SLC25A6: variants seen among roughly 807,000 people sequenced by gnomAD.
SLC25A6 encodes ADP/ATP translocase 3.
In SLC25A6, 9 loss-of-function variants were observed where a neutral mutation model predicts 25.7. The ratio of observed to expected loss-of-function variants is 0.35; its 90% CI spans 0.21 to 0.61. The LOEUF (loss-of-function observed/expected upper bound fraction) is 0.61. Ranked by LOEUF, SLC25A6 falls within the 20% of genes least tolerant of loss-of-function variation. SLC25A6 has a pLI of 0.76. For synonymous variants in SLC25A6, 223 were observed against 197.0 expected, an observed-to-expected ratio of 1.13 and a Z score of -1.11; for missense variants, 404 against 440.5, an observed-to-expected ratio of 0.92 and a Z score of 0.74.
chrX:1,386,839 T>A, intron 3 of SLC25A6, 80 bp from the exon 4 acceptor site: 2 of 1,490,776 alleles, frequency 1.3e-6, no homozygotes, highest in Non-Finnish European at 9.1e-7. Flanking sequence ...ACAAAGACGT[T>A]TCACAGAAAT....
Position 1,388,065 on chromosome X carries a change from C to G in SLC25A6, c.599-646G>C, listed in dbSNP as rs368804789. On this transcript the variant is annotated intron_variant, in intron 2 of 3. Transcript: ENST00000381401. ...GTCTGCTGTTTATAAGCCACCCAGT[C>G]TATAGTATTGTTTTAGGAGCCTGAA... Among the ~76,000 whole-genome samples the G allele has an allele frequency of 8.0e-5, 12 of 149,674 alleles. No individual in the cohort carries two copies. The East Asian group carries it at 1.2e-3, about 15-fold the overall frequency.
At chrX:1,388,528 C>G (rs1294157346) in intron 2 of SLC25A6, among the ~76,000 whole-genome samples, 2 of 151,360 alleles carry the variant, frequency 1.3e-5, no homozygotes, top group African/African-American at 4.9e-5. Context: ...CTAAGTCACC[C>G]AGTCTATGGT....
rs773673685 is a variant in SLC25A6 at position 1,386,573 on chromosome X, G to C, written c.*29C>G. 14 of 1,512,068 alleles carry C rather than the reference G, an allele frequency of 9.3e-6. No individual in the cohort carries two copies. The highest frequency in any genetic ancestry group is 1.2e-5 in the Non-Finnish European group (14 of 1,130,636). 93.7% of individuals were successfully genotyped at this position (1,512,068 alleles called of 1,614,324 possible). On this transcript the variant is annotated 3_prime_UTR_variant, in exon 4 of 4. Transcript: ENST00000381401. ...GTGGTTCTCTTGGTTCCCCTGGTGT[G>C]TGTGTGTGTGTGGAGGAGGCCGCGG...
chrX:1,390,032 GA>G lies in SLC25A6; in HGVS notation c.112-306del, dbSNP rs1213641590. On this transcript the variant is annotated intron_variant, in intron 1 of 3. Transcript: ENST00000381401. ...ACCCGGCTCTTTCTTTTTTTAAAAAGACAAGGTCTCATGCTGTTACCCGGGT... is the reference window on the plus strand; with the variant it reads ...ACCCGGCTCTTTCTTTTTTTAAAAAGCAAGGTCTCATGCTGTTACCCGGGT... Among the ~76,000 whole-genome samples the G allele has an allele frequency of 1.3e-3, 204 of 152,012 alleles. 1 individual carries two copies. Among genetic ancestry groups the G allele is most frequent in the African/African-American group, 4.5e-3 (186 of 41,460 alleles).
rs2089367461 is a variant in SLC25A6, at chrX:1,389,162, C to G, written c.598+79G>C. 6.0e-6 allele frequency: 9 copies of G among 1,507,432 alleles called. 1 individual carries two copies. In the South Asian group the frequency reaches 1.1e-4, roughly 19 times the overall value. The allele number at this position is 1,507,432 out of a possible 1,614,324, so 93.4% of individuals were successfully genotyped here. On this transcript the variant is annotated intron_variant, in intron 2 of 3. Coordinates refer to ENST00000381401, the MANE Select transcript of SLC25A6 (RefSeq NM_001636.4). Reference sequence around the variant, plus strand: ...AGCCCTGCCCACACCTTATCTCAGACCTTCAGCCCACAGGACCCTGGGGGA... The same window carrying G: ...AGCCCTGCCCACACCTTATCTCAGAGCTTCAGCCCACAGGACCCTGGGGGA...
In SLC25A6 at chrX:1,386,295, A is replaced by G; in HGVS notation, c.*307T>C. 1 of 364,222 alleles carries G rather than the reference A, an allele frequency of 2.7e-6. No individual in the cohort carries two copies. Among genetic ancestry groups the G allele is most frequent in the Non-Finnish European group, 4.9e-6 (1 of 204,598 alleles). The allele number at this position is 364,222 out of a possible 1,614,324, so 22.6% of individuals were successfully genotyped here. On this transcript the variant is annotated 3_prime_UTR_variant, in exon 4 of 4. Transcript: ENST00000381401. Reference sequence around the variant, plus strand: ...TCTTTTGTTTTAAATAAATACTTAGAACACGACTTGGCTCCTACAAGCATC... The same window carrying G: ...TCTTTTGTTTTAAATAAATACTTAGGACACGACTTGGCTCCTACAAGCATC...
intron 1 of SLC25A6, among the ~76,000 whole-genome samples, chrX:1,391,073 T>C (rs1236324270): frequency 6.6e-6 from 1 of 152,230 alleles, no homozygotes; most frequent in Non-Finnish European, 1.5e-5. Flanking sequence ...CTCAAACTCC[T>C]GAGCTCACGC....
At chrX:1,387,759 G>GT (rs1374094324) in intron 2 of SLC25A6, among the ~76,000 whole-genome samples, 1 of 152,124 alleles carries the variant, frequency 6.6e-6, no homozygotes. Context: ...TCCACATGCT[G>GT]AAGTCCCACC....
chrX:1,389,411 G>A lies in SLC25A6; in HGVS notation c.428C>T (p.Ala143Val), dbSNP rs756410929. ...CTCTGTGCCTGACTTTCCCACGTCC[G>A]CTGCCAGGCGGGTTCTGGCGAAATC... is the stretch of plus-strand genomic sequence containing the variant. ...PLDFARTRLA[A>V]DVGKSGTERE... Residue 143 changes from alanine (A) to valine (V), a missense_variant, in exon 2 of 4, where the codon GCG becomes GTG. Transcript: ENST00000381401. The A allele has an allele frequency of 6.2e-6, 10 of 1,613,754 alleles. No homozygotes were observed. Among genetic ancestry groups the A allele is most frequent in the East Asian group, 2.2e-5 (1 of 44,884 alleles).
chrX:1,389,199 T>C, intron 2 of SLC25A6, 42 bp downstream of exon 2: 1 of 1,592,640 alleles, frequency 6.3e-7, no homozygotes, highest in Non-Finnish European at 8.6e-7. Flanking sequence ...CGTCTGTGTG[T>C]TGAGCCCGTC....
At chrX:1,391,762 G>T (rs1405202468) in intron 1 of SLC25A6, 137 bp downstream of exon 1, 4 of 630,298 alleles carry the variant, frequency 6.3e-6, no homozygotes, top group Non-Finnish European at 1.1e-5. Context: ...CCGGAAGCCG[G>T]CGGCGCGTGG....
In SLC25A6 at chrX:1,392,088, G is replaced by A. The variant is rs2089422754; in HGVS notation, c.-79C>T. 2.3e-5 allele frequency: 24 copies of A among 1,057,586 alleles called. No individual in the cohort carries two copies. The highest frequency in any genetic ancestry group is 4.1e-5 in the Admixed American group (2 of 49,082). 65.5% of individuals were successfully genotyped at this position (1,057,586 alleles called of 1,614,324 possible). A position where few individuals can be genotyped will look rare whatever the true frequency, so the allele number is the denominator to read the frequency against. On this transcript the variant is annotated 5_prime_UTR_variant, in exon 1 of 4. Transcript: ENST00000381401. ...GTGAATGGAGGGCGTCGCTGGCTCA[G>A]CCCTGCCGCCGCCTGGACCGAAAGG...
chrX:1,387,335 G>A lies in SLC25A6; in HGVS notation c.683C>T (p.Ser228Phe). 1.2e-6 allele frequency: 2 copies of A among 1,613,370 alleles called. No individual in the cohort carries two copies. The highest frequency in any genetic ancestry group is 1.7e-6 in the Non-Finnish European group (2 of 1,179,786). Residue 228 changes from serine (S) to phenylalanine (F), a missense_variant, in exon 3 of 4, where the codon TCC becomes TTC. Coordinates refer to ENST00000381401, the MANE Select transcript of SLC25A6 (RefSeq NM_001636.4). ...CCGCCGCACCGTGTCGAAGGGGTAG[G>A]ACACCACGCCGGCCACGGCCGTCAC... ...QTVTAVAGVV[S>F]YPFDTVRRRM...
intron 1 of SLC25A6, among the ~76,000 whole-genome samples, chrX:1,390,454 G>A (rs867562316): frequency 1.3e-5 from 2 of 152,034 alleles, no homozygotes; most frequent in South Asian, 2.1e-4. Context: ...TTAGCAAGGT[G>A]TGGTGGCAGG....
At chrX:1,389,111 C>A in intron 2 of SLC25A6, 130 bp downstream of exon 2, 7 of 980,294 alleles carry the variant, frequency 7.1e-6, no homozygotes, top group Non-Finnish European at 1.0e-5. Context: ...GTCTCCAAGT[C>A]CAGGAGAGAG....
chrX:1,386,728 A>G lies in SLC25A6; in HGVS notation c.771T>C (p.Cys257=), dbSNP rs768435558. 2 of 1,612,216 alleles carry G rather than the reference A, an allele frequency of 1.2e-6. No individual in the cohort carries two copies. Among genetic ancestry groups the G allele is most frequent in the African/African-American group, 1.3e-5 (1 of 74,922 alleles). Residue 257 remains cysteine, a synonymous_variant, in exon 4 of 4, where the codon TGT becomes TGC. Coordinates refer to ENST00000381401, the MANE Select transcript of SLC25A6 (RefSeq NM_001636.4). ...ADIMYTGTVD[C]WRKIFRDEGG... ...CCTCATCTCTGAAGATCTTCCTCCA[A>G]CAGTCGACGGTGCCCGTGTACATGA...
chrX:1,389,801 CCTT>C, intron 1 of SLC25A6, 74 bp from the exon 2 acceptor site: 1 of 1,564,924 alleles, frequency 6.4e-7, no homozygotes, highest in East Asian at 2.3e-5. Flanking sequence ...CAGGGTGCAT[CCTT>C]TTTTTGACAC....
Position 1,392,093 on chromosome X carries a change from G to T in SLC25A6, c.-84C>A. ...TGGAGGGCGTCGCTGGCTCAGCCCT[G>T]CCGCCGCCTGGACCGAAAGGACGGA... On this transcript the variant is annotated 5_prime_UTR_variant, in exon 1 of 4. Coordinates refer to ENST00000381401, the MANE Select transcript of SLC25A6 (RefSeq NM_001636.4). 9.9e-7 allele frequency: 1 copy of T among 1,006,918 alleles called. No homozygotes were observed. The highest frequency in any genetic ancestry group is 1.5e-6 in the Non-Finnish European group (1 of 665,292). The allele number at this position is 1,006,918 out of a possible 1,614,324, so 62.4% of individuals were successfully genotyped here.
rs2089372214 is a variant in SLC25A6 at position 1,389,406 on chromosome X, C to T, written c.433G>A (p.Val145Met). ...TCGCGCTCTGTGCCTGACTTTCCCA[C>T]GTCCGCTGCCAGGCGGGTTCTGGCG... ...DFARTRLAAD[V>M]GKSGTEREFR... The change falls in exon 2 of 4, where the codon GTG becomes ATG. Residue 145 changes from valine (V) to methionine (M), a missense_variant. Physicochemically the swap from Val to Met is conservative, Grantham distance 21 (BLOSUM62 1). Coordinates refer to ENST00000381401, the MANE Select transcript of SLC25A6 (RefSeq NM_001636.4). The T allele has an allele frequency of 5.6e-6, 9 of 1,613,674 alleles. No homozygotes were observed. Among genetic ancestry groups the T allele is most frequent in the African/African-American group, 1.3e-5 (1 of 74,930 alleles).
Sources: gnomAD v4.1 joint callset for allele counts (sites outside exome capture counted in the v4.1 genomes callset) on GRCh38, gnomAD v4.1.1 for gene constraint, MANE v1.5 for transcripts, NCBI Gene and HGNC (gene_info 2026-07-23, HGNC 2026-07-21) for gene names.